Variants in KDM4C observed in about 807,000 individuals in gnomAD.
The protein encoded by KDM4C is lysine-specific demethylase 4C.
KDM4C carries 81 observed loss-of-function variants against 129.3 expected under a neutral mutation model. The ratio of observed to expected loss-of-function variants is 0.63; its 90% CI spans 0.52 to 0.75. The LOEUF is 0.75. Among genes scored for constraint, KDM4C ranks in the 30% least tolerant of loss-of-function variants. The pLI, the probability that KDM4C is intolerant of heterozygous loss-of-function variation, is 0.00. For missense variants in KDM4C, 1,457 were observed against 1,304.0 expected (o/e 1.12, Z -1.81); for synonymous variants, 573 against 456.1 (o/e 1.26, Z -3.26).
intron 17 of KDM4C, among the ~76,000 whole-genome samples, chr9:7,078,288 A>T (rs368617616): frequency 1.3e-5 from 2 of 152,296 alleles, no homozygotes; most frequent in East Asian, 3.9e-4. Flanking sequence ...TAAATCAGAT[A>T]AAATGTTATT....
At chr9:6,812,683 A>T (rs945651879) in intron 3 of KDM4C, among the ~76,000 whole-genome samples, 4 of 152,142 alleles carry the variant, frequency 2.6e-5, no homozygotes, top group African/African-American at 9.7e-5. Flanking sequence ...TGTTCCTAAC[A>T]GGCCGCGGAC....
At chr9:6,773,496 G>T (rs1175773007) in intron 1 of KDM4C, among the ~76,000 whole-genome samples, 1 of 152,128 alleles carries the variant, frequency 6.6e-6, no homozygotes, top group Non-Finnish European at 1.5e-5. Flanking sequence ...CATAGGCCAG[G>T]CGTGGTGGCT....
At chr9:7,162,465 T>G (rs1321420420) in intron 19 of KDM4C, among the ~76,000 whole-genome samples, 2 of 152,214 alleles carry the variant, frequency 1.3e-5, no homozygotes, top group African/African-American at 4.8e-5. Flanking sequence ...ATAAAAGATA[T>G]CTAACTATCT....
intron 17 of KDM4C, among the ~76,000 whole-genome samples, chr9:7,051,121 C>G (rs1316675916): frequency 6.6e-6 from 1 of 152,016 alleles, no homozygotes; most frequent in East Asian, 1.9e-4. Context: ...AGCCTCTTGA[C>G]CAGATTATTT....
At chr9:6,989,310 A>G (rs527537813) in intron 11 of KDM4C, among the ~76,000 whole-genome samples, 11 of 152,230 alleles carry the variant, frequency 7.2e-5, no homozygotes, top group South Asian at 6.2e-4. Flanking sequence ...GAAGACTAAG[A>G]TTGTTTTCTT....
intron 11 of KDM4C, among the ~76,000 whole-genome samples, chr9:6,987,517 C>T (rs1161075632): frequency 6.6e-6 from 1 of 152,034 alleles, no homozygotes; most frequent in Non-Finnish European, 1.5e-5. Context: ...TCAGGTGGAT[C>T]AGGAAGGAGT....
intron 8 of KDM4C, among the ~76,000 whole-genome samples, chr9:6,967,930 A>G (rs1256011343): frequency 6.6e-6 from 1 of 152,194 alleles, no homozygotes; most frequent in East Asian, 1.9e-4. Flanking sequence ...CAACATTAGT[A>G]AAGTAGGGAT....
chr9:7,003,261 C>T (rs1234290587), intron 12 of KDM4C, among the ~76,000 whole-genome samples: 2 of 152,092 alleles, frequency 1.3e-5, no homozygotes, highest in African/African-American at 4.8e-5. Context: ...AGCCAGATAC[C>T]TTTGTTAATA....
intron 1 of KDM4C, among the ~76,000 whole-genome samples, chr9:6,790,468 G>A (rs931612144): frequency 1.3e-5 from 2 of 149,454 alleles, no homozygotes; most frequent in East Asian, 2.0e-4. Flanking sequence ...TAGCCAGGAT[G>A]GTCTCCATCT....
chr9:7,069,596 T>C (rs1240322255), intron 17 of KDM4C, among the ~76,000 whole-genome samples: 1 of 152,250 alleles, frequency 6.6e-6, no homozygotes, highest in Non-Finnish European at 1.5e-5. Context: ...TCTAAAGTTT[T>C]GTCTCTCAAT....
rs181567394 is a variant in KDM4C at position 7,166,010 on chromosome 9, T to G, written c.2901+653T>G. Among the ~76,000 whole-genome samples, 13 of 152,302 alleles carry G rather than the reference T, an allele frequency of 8.5e-5. 1 individual carries two copies. Among genetic ancestry groups the G allele is most frequent in the Non-Finnish European group, 1.6e-4 (11 of 68,018 alleles). On this transcript the variant is annotated intron_variant, in intron 20 of 21. Transcript: ENST00000381309. ...CCCAGAAATGAGAATGAGTTAAGCT[T>G]TAATAAGGGAAACAACATGGATAGC...
intron 1 of KDM4C, among the ~76,000 whole-genome samples, chr9:6,729,926 A>G (rs1817262654): frequency 7.5e-6 from 1 of 133,936 alleles, no homozygotes; most frequent in Non-Finnish European, 1.5e-5. Context: ...CCTGGCCAAC[A>G]TGGCGAAAAT....
intron 15 of KDM4C, among the ~76,000 whole-genome samples, chr9:7,025,179 T>C (rs1825600957): frequency 6.6e-6 from 1 of 152,226 alleles, no homozygotes; most frequent in South Asian, 2.1e-4. Flanking sequence ...GTGTAGCTAC[T>C]CCAGCTCTTT....
At chr9:6,897,580 T>G (rs1183905040) in intron 8 of KDM4C, among the ~76,000 whole-genome samples, 1 of 152,172 alleles carries the variant, frequency 6.6e-6, no homozygotes, top group African/African-American at 2.4e-5. Flanking sequence ...GAGTGATGTT[T>G]CAGGTAGTCA....
At chr9:6,819,682 G>A (rs1448040328) in intron 4 of KDM4C, among the ~76,000 whole-genome samples, 1 of 152,166 alleles carries the variant, frequency 6.6e-6, no homozygotes, top group Non-Finnish European at 1.5e-5. Flanking sequence ...TACCCGCCTT[G>A]AGGTAGACAA....
intron 18 of KDM4C, 71 bp from the exon 19 acceptor site, chr9:7,127,995 T>G: frequency 8.0e-7 from 1 of 1,243,476 alleles, no homozygotes; most frequent in Non-Finnish European, 1.0e-6. Flanking sequence ...AAATGAATAT[T>G]TTTTATTTTA....
intron 17 of KDM4C, among the ~76,000 whole-genome samples, chr9:7,088,545 C>T (rs572328585): frequency 6.6e-6 from 1 of 152,288 alleles, no homozygotes; most frequent in Admixed American, 6.5e-5. Flanking sequence ...CTTTCTGGAT[C>T]TTTTAATGAT....
chr9:6,728,232 G>A (rs12341867), intron 1 of KDM4C, among the ~76,000 whole-genome samples: 18 of 152,112 alleles, frequency 1.2e-4, no homozygotes, highest in Admixed American at 9.8e-4. Flanking sequence ...AATTCTCTGA[G>A]TATTAAAAAC....
At chr9:7,073,442 C>T (rs904331385) in intron 17 of KDM4C, among the ~76,000 whole-genome samples, 10 of 152,188 alleles carry the variant, frequency 6.6e-5, no homozygotes, top group African/African-American at 2.4e-4. Flanking sequence ...AAATCCTGGA[C>T]TCCTGACCCA....
Sources: gnomAD v4.1 joint callset for allele counts (sites outside exome capture counted in the v4.1 genomes callset) on GRCh38, gnomAD v4.1.1 for gene constraint, MANE v1.5 for transcripts, NCBI Gene and HGNC (gene_info 2026-07-23, HGNC 2026-07-21) for gene names.